Variants in KIF1A observed in about 807,000 individuals in gnomAD.
KIF1A encodes kinesin family member 1A, also known as kinesin-like protein KIF1A.
KIF1A carries 46 observed loss-of-function variants against 227.3 expected under a neutral mutation model. That is an observed-to-expected ratio of 0.20 (90% CI 0.16 to 0.26). KIF1A has a LOEUF of 0.26. Ranked by LOEUF, KIF1A falls within the 10% of genes least tolerant of loss-of-function variation. The pLI is 1.00. For synonymous variants in KIF1A, 1,022 were observed against 1,012.8 expected (o/e 1.01, Z -0.17); for missense variants, 1,683 against 2,485.9 (o/e 0.68, Z 6.87).
intron 34 of KIF1A, 139 bp from the exon 35 acceptor site, chr2:240,741,516 C>A (rs1409383445): frequency 4.9e-6 from 3 of 615,488 alleles, no homozygotes; most frequent in Non-Finnish European, 8.3e-6. Context: ...GGGAAACAAC[C>A]AGCCAACCCC....
chr2:240,737,850 T>G (rs1034439026), intron 37 of KIF1A, among the ~76,000 whole-genome samples: 8 of 152,212 alleles, frequency 5.3e-5, no homozygotes, highest in African/African-American at 1.9e-4. Context: ...ATTTTCTTTG[T>G]TGCGCCAGGA....
At position 240,789,753 on chromosome 2, in the gene KIF1A, G is replaced by T. The variant is rs550306603; in HGVS notation, c.107-441C>A. Among the ~76,000 whole-genome samples the T allele has an allele frequency of 4.6e-5, 7 of 152,270 alleles. No homozygotes were observed. The highest frequency in any genetic ancestry group is 6.5e-5 in the Admixed American group (1 of 15,308). ...TGCCCGAGAAGCGCTGGAAGCCTGG[G>T]CGTCCATCACGTTTGTGTTACGCCT... is the stretch of plus-strand genomic sequence containing the variant. On this transcript the variant is annotated intron_variant, in intron 2 of 48. Transcript: ENST00000498729. The surrounding 1 kb of genome is among the most constrained non-coding windows in gnomAD (Gnocchi z 4.8).
chr2:240,795,348 A>G (rs939756880), intron 2 of KIF1A, among the ~76,000 whole-genome samples: 10 of 152,228 alleles, frequency 6.6e-5, no homozygotes, highest in African/African-American at 2.4e-4. Context: ...CCCACTGGCT[A>G]AAGGAAACGT....
At chr2:240,750,300 T>C (rs995401098) in intron 28 of KIF1A, 129 bp downstream of exon 28, 2 of 663,312 alleles carry the variant, frequency 3.0e-6, no homozygotes, top group African/African-American at 1.8e-5. Context: ...GAGGGCCAGC[T>C]GAGGCCAGCT....
rs554233202 is a variant in KIF1A at position 240,793,006 on chromosome 2, C to T, written c.107-3694G>A. On this transcript the variant is annotated intron_variant, in intron 2 of 48. Coordinates refer to ENST00000498729, the MANE Select transcript of KIF1A (RefSeq NM_001244008.2). The surrounding 1 kb of genome is among the most constrained non-coding windows in gnomAD (Gnocchi z 4.8). The stretch of plus-strand genomic sequence containing the variant: ...CCACTCTGCAGCGCACCTGGACCTC[C>T]GAGTCTGGCCTCCAGAACAGGGGGG... 2.6e-4 allele frequency among the ~76,000 whole-genome samples: 40 copies of T among 152,116 alleles called. No individual in the cohort carries two copies. Among genetic ancestry groups the T allele is most frequent in the African/African-American group, 4.1e-4 (17 of 41,408 alleles).
chr2:240,778,900 CT>C lies in KIF1A; in HGVS notation c.883-2975del, dbSNP rs1426881860. Among the ~76,000 whole-genome samples the C allele has an allele frequency of 6.6e-6, 1 of 152,142 alleles. No homozygotes were observed. The highest frequency in any genetic ancestry group is 2.4e-5 in the African/African-American group (1 of 41,414). On this transcript the variant is annotated intron_variant, in intron 10 of 48. Coordinates refer to ENST00000498729, the MANE Select transcript of KIF1A (RefSeq NM_001244008.2). The surrounding 1 kb of genome is among the most constrained non-coding windows in gnomAD (Gnocchi z 7.2). ...CATCCCCAATGCGGGTGCACACACA[CT>C]TTCCACACACTTCCTCAGGCCATTC...
intron 13 of KIF1A, 43 bp downstream of exon 13, chr2:240,773,071 G>A (rs1224142743): frequency 1.3e-6 from 2 of 1,558,196 alleles, no homozygotes; most frequent in South Asian, 1.2e-5. Flanking sequence ...CTGAGCCTGA[G>A]GCCCCACAAC....
At chr2:240,718,637 A>G (rs1254637943) in intron 47 of KIF1A, among the ~76,000 whole-genome samples, 3 of 152,238 alleles carry the variant, frequency 2.0e-5, no homozygotes, top group African/African-American at 7.2e-5. Context: ...GAGTGGGGGC[A>G]GGAGGGCTCC....
intron 37 of KIF1A, among the ~76,000 whole-genome samples, chr2:240,738,414 C>T (rs2047599606): frequency 6.6e-6 from 1 of 152,188 alleles, no homozygotes; most frequent in African/African-American, 2.4e-5. Flanking sequence ...TGTGCCCAGT[C>T]CTGTCCAACT....
chr2:240,738,357 A>G (rs992437553), intron 37 of KIF1A, among the ~76,000 whole-genome samples: 2 of 152,134 alleles, frequency 1.3e-5, no homozygotes, highest in Non-Finnish European at 2.9e-5. Flanking sequence ...CCCACTGCTC[A>G]TGGACACCCG....
rs560833169 is a variant in KIF1A at position 240,764,920 on chromosome 2, C to T, written c.1768+790G>A. Among the ~76,000 whole-genome samples, 17 of 151,360 alleles carry T rather than the reference C, an allele frequency of 1.1e-4. No individual in the cohort carries two copies. The South Asian group carries it at 2.7e-3, about 24-fold the overall frequency. On this transcript the variant is annotated intron_variant, in intron 20 of 48. Coordinates refer to ENST00000498729, the MANE Select transcript of KIF1A (RefSeq NM_001244008.2). ...CCTGCCCCGAGTTCCCAGCCTGCCCCGAGTTCCCAGCCTGCCCTGAGTTCC... is the reference window on the plus strand; with the variant it reads ...CCTGCCCCGAGTTCCCAGCCTGCCCTGAGTTCCCAGCCTGCCCTGAGTTCC...
In KIF1A at chr2:240,788,401, G is replaced by A. The variant is rs1280106373; in HGVS notation, c.184-171C>T. On this transcript the variant is annotated intron_variant, in intron 3 of 48. Coordinates refer to ENST00000498729, the MANE Select transcript of KIF1A (RefSeq NM_001244008.2). The surrounding 1 kb of genome is among the most constrained non-coding windows in gnomAD (Gnocchi z 6.6). ...CTGCCTTGTGGGGTAGCTTCCTGGAGGAGAAGCCCTCTGTGTCACAGATGC... is the reference window on the plus strand; with the variant it reads ...CTGCCTTGTGGGGTAGCTTCCTGGAAGAGAAGCCCTCTGTGTCACAGATGC... Among the ~76,000 whole-genome samples, 1 of 152,164 alleles carries A rather than the reference G, an allele frequency of 6.6e-6. No individual in the cohort carries two copies. The highest frequency in any genetic ancestry group is 1.9e-4 in the East Asian group (1 of 5,188).
chr2:240,726,612 CA>C lies in KIF1A; in HGVS notation c.4122+213del, dbSNP rs550610143. Among the ~76,000 whole-genome samples, 4 of 146,768 alleles carry C rather than the reference CA, an allele frequency of 2.7e-5. No homozygotes were observed. Among genetic ancestry groups the C allele is most frequent in the East Asian group, 3.9e-4 (2 of 5,094 alleles). On this transcript the variant is annotated intron_variant, in intron 39 of 48. Transcript: ENST00000498729. This position sits in a 1 kb window ranked among gnomAD's most constrained non-coding sequence, Gnocchi z 5.2. ...CAAGAGTGAGACTCGGTCTCAAAAA[CA>C]AAAAAAAAACAGCACATGGATTTAT...
Position 240,750,452 on chromosome 2 carries a change from C to T in KIF1A, c.2954G>A (p.Arg985His), listed in dbSNP as rs772779524. 9 of 1,613,594 alleles carry T rather than the reference C, an allele frequency of 5.6e-6. No individual in the cohort carries two copies. The highest frequency in any genetic ancestry group is 3.3e-5 in the South Asian group (3 of 91,076). The change falls in exon 28 of 49, where the codon CGC (arginine) becomes CAC (histidine). Residue 985 changes from arginine (R) to histidine (H), a missense_variant. Transcript: ENST00000498729. ...ACCTGAGATGGCCTGGACGGCCACG[C>T]GGAGGAAGCCCTTCACCTCGCCCTT... ...SEKGEVKGFL[R>H]VAVQAISADE...
intron 1 of KIF1A, among the ~76,000 whole-genome samples, chr2:240,805,055 AGAGGGGAGGGAGAGG>A (rs2057275261): frequency 4.0e-5 from 2 of 49,760 alleles, no homozygotes. Flanking sequence ...GTGGGGAGGG[AGAGGGGAGGGAGAGG>A]GCAGGGAGAG....
rs985545337 is a variant in KIF1A, at chr2:240,739,720, C to T, written c.3901+338G>A. 3.3e-5 allele frequency among the ~76,000 whole-genome samples: 5 copies of T among 152,036 alleles called. No individual in the cohort carries two copies. Among genetic ancestry groups the T allele is most frequent in the Non-Finnish European group, 4.4e-5 (3 of 68,004 alleles). ...CCCAACAGGTTTCAGAGAGAGAGAG[C>T]GCGCCTCTTGCCGGCACCTTGATTT... On this transcript the variant is annotated intron_variant, in intron 37 of 48. Coordinates refer to ENST00000498729, the MANE Select transcript of KIF1A (RefSeq NM_001244008.2). The surrounding 1 kb of genome is among the most constrained non-coding windows in gnomAD (Gnocchi z 5.6).
intron 38 of KIF1A, among the ~76,000 whole-genome samples, chr2:240,733,040 A>AG (rs113763660): frequency 0.14 from 6,499 of 45,896 alleles, 214 homozygotes; most frequent in South Asian, 0.17. Flanking sequence ...AGGGGGAATG[A>AG]GGGGGGGATG....
At chr2:240,787,929 T>G (rs2055154249) in intron 4 of KIF1A, 122 bp downstream of exon 4, 1 of 942,160 alleles carries the variant, frequency 1.1e-6, no homozygotes, top group Admixed American at 2.5e-5. Context: ...CCAGCTGGCC[T>G]TCCCCTCCTG....
Position 240,813,478 on chromosome 2 carries a change from G to A in KIF1A, c.-61+6644C>T, listed in dbSNP as rs760777454. On this transcript the variant is annotated intron_variant, in intron 1 of 48. Coordinates refer to ENST00000498729, the MANE Select transcript of KIF1A (RefSeq NM_001244008.2). Reference sequence around the variant, plus strand: ...CATGGAAGCCCGCACCCCCAGCCCCGCCATCCACCCTCCGAGGGTGGTCAC... The same window carrying A: ...CATGGAAGCCCGCACCCCCAGCCCCACCATCCACCCTCCGAGGGTGGTCAC... Among the ~76,000 whole-genome samples, 19 of 152,282 alleles carry A rather than the reference G, an allele frequency of 1.2e-4. No homozygotes were observed. In the Middle Eastern group the frequency reaches 0.02, roughly 164 times the overall value.
Sources: gnomAD v4.1 joint callset for allele counts (sites outside exome capture counted in the v4.1 genomes callset) on GRCh38, gnomAD v4.1.1 for gene constraint, Gnocchi (gnomAD v3.1) non-coding constraint, MANE v1.5 for transcripts, NCBI Gene and HGNC (gene_info 2026-07-23, HGNC 2026-07-21) for gene names.